The following ZFHX3 variants were observed in gnomAD, a reference collection of about 807,000 sequenced individuals.
ZFHX3 encodes the protein zinc finger homeobox protein 3.
Under a neutral mutation model 279.1 loss-of-function variants are expected in ZFHX3, and 42 were observed. The observed-to-expected ratio is 0.15, with a 90% confidence interval of 0.12 to 0.19. The LOEUF (loss-of-function observed/expected upper bound fraction) is 0.19, where lower values mean the gene tolerates loss of function less well. Ranked by LOEUF, ZFHX3 falls within the 10% of genes least tolerant of loss-of-function variation. The pLI is 1.00. For synonymous variants in ZFHX3, 2,293 were observed against 1,957.8 expected (o/e 1.17, Z -4.52); for missense variants, 4,981 against 4,754.0 (o/e 1.05, Z -1.40).
At chr16:72,887,705 G>A (rs1193556225) in intron 4 of ZFHX3, among the ~76,000 whole-genome samples, 3 of 151,106 alleles carry the variant, frequency 2.0e-5, no homozygotes, top group Non-Finnish European at 4.4e-5. Context: ...GTGTATGTGG[G>A]GGAGGTGCAC....
At position 72,797,551 on chromosome 16, in the gene ZFHX3, T is replaced by A; in HGVS notation, c.5131A>T (p.Asn1711Tyr). 1 of 1,614,144 alleles carries A rather than the reference T, an allele frequency of 6.2e-7. No homozygotes were observed. Among genetic ancestry groups the A allele is most frequent in the Non-Finnish European group, 8.5e-7 (1 of 1,180,020 alleles). The stretch of plus-strand genomic sequence containing the variant: ...ATCATATCTGCCAGTTTCTTCCGAT[T>A]GGCCTCTTTGGGCTCTGAAGGGGAA... Reference protein sequence around the residue: ...IASPSEPKEANRKKLADMIAS... With the variant: ...IASPSEPKEAYRKKLADMIAS... Residue 1711 changes from asparagine (N) to tyrosine (Y), a missense_variant, in exon 9 of 10, where the codon AAT becomes TAT. Coordinates refer to ENST00000268489, the MANE Select transcript of ZFHX3 (RefSeq NM_006885.4).
chr16:73,584,948 C>T (rs8049671), intron 2 of ZFHX3, among the ~76,000 whole-genome samples: 10,710 of 152,198 alleles, frequency 0.07, 1,297 homozygotes, highest in African/African-American at 0.24. Context: ...TCTCAAAAGA[C>T]GACATACATG....
chr16:73,494,637 C>G (rs187262584), intron 2 of ZFHX3, among the ~76,000 whole-genome samples: 1 of 151,906 alleles, frequency 6.6e-6, no homozygotes, highest in East Asian at 1.9e-4. Context: ...CTCGGCTCAC[C>G]GCAACCTCCG....
intron 2 of ZFHX3, among the ~76,000 whole-genome samples, chr16:73,669,164 C>T (rs1169588967): frequency 3.9e-5 from 6 of 152,082 alleles, no homozygotes; most frequent in African/African-American, 7.2e-5. Flanking sequence ...AGCAATTCTC[C>T]TGTCTCAGCC....
chr16:73,625,917 G>T (rs955036319), intron 2 of ZFHX3, among the ~76,000 whole-genome samples: 1 of 152,164 alleles, frequency 6.6e-6, no homozygotes, highest in Non-Finnish European at 1.5e-5. Flanking sequence ...GAGTTCAGCG[G>T]CACGATCTCT....
chr16:73,399,033 A>ATTTTTTT (rs531100796), intron 3 of ZFHX3, among the ~76,000 whole-genome samples: 4 of 139,554 alleles, frequency 2.9e-5, no homozygotes, highest in Non-Finnish European at 4.6e-5. Context: ...CCCCCCGCTA[A>ATTTTTTT]TTTTTTTTTT....
At chr16:72,883,336 T>C (rs1260445173) in intron 4 of ZFHX3, among the ~76,000 whole-genome samples, 1 of 152,034 alleles carries the variant, frequency 6.6e-6, no homozygotes, top group Non-Finnish European at 1.5e-5. Context: ...AAAAAACATC[T>C]CCATGAACAA....
Position 73,237,528 on chromosome 16 carries a change from C to CTTTT in ZFHX3, c.-1104+19515_-1104+19518dup, listed in dbSNP as rs886922274. ...ATGGGTGTGAGCCACCAAATGCAGC[C>CTTTT]TTTTTTTTTTTTTTTTTTTTTTTGG... On this transcript the variant is annotated intron_variant, in intron 5 of 17. Coordinates refer to the ZFHX3 transcript ENST00000641206. Among the ~76,000 whole-genome samples, 51 of 84,158 alleles carry CTTTT rather than the reference C, an allele frequency of 6.1e-4. 1 individual carries two copies. The highest frequency in any genetic ancestry group is 5.2e-3 in the East Asian group (15 of 2,900). 55.2% of individuals were successfully genotyped at this position (84,158 alleles called of 152,430 possible).
At chr16:73,742,860 C>T (rs1040260391) in intron 1 of ZFHX3, among the ~76,000 whole-genome samples, 5 of 152,174 alleles carry the variant, frequency 3.3e-5, no homozygotes, top group African/African-American at 4.8e-5. Context: ...ATGTGACCAA[C>T]AGAAACTCCA....
chr16:73,628,116 C>A (rs2052435659), intron 2 of ZFHX3, among the ~76,000 whole-genome samples: 1 of 152,100 alleles, frequency 6.6e-6, no homozygotes, highest in Non-Finnish European at 1.5e-5. Context: ...TCAGTAACTA[C>A]CCAACGTGTC....
At chr16:73,716,662 C>T (rs908471284) in intron 1 of ZFHX3, among the ~76,000 whole-genome samples, 4 of 151,696 alleles carry the variant, frequency 2.6e-5, no homozygotes, top group Admixed American at 1.3e-4. Context: ...CATGCACGCA[C>T]GCACAGACCT....
At chr16:73,247,539 CTG>C (rs1197779294) in intron 5 of ZFHX3, among the ~76,000 whole-genome samples, 1 of 139,542 alleles carries the variant, frequency 7.2e-6, no homozygotes, top group Non-Finnish European at 1.6e-5. Flanking sequence ...TATAATGTGT[CTG>C]TGTCTATGTG....
intron 5 of ZFHX3, among the ~76,000 whole-genome samples, chr16:73,190,863 C>T (rs1013145104): frequency 4.0e-5 from 6 of 149,292 alleles, no homozygotes; most frequent in African/African-American, 1.2e-4. Context: ...GACTACAGGG[C>T]GAAGGAAGAA....
intron 1 of ZFHX3, among the ~76,000 whole-genome samples, chr16:73,704,989 A>G (rs930309462): frequency 4.2e-4 from 64 of 152,334 alleles, no homozygotes; most frequent in African/African-American, 1.4e-3. Flanking sequence ...TACTCCCACC[A>G]TGGCTGATTT....
At chr16:73,860,889 C>G (rs1314607153) in intron 1 of ZFHX3, among the ~76,000 whole-genome samples, 1 of 152,052 alleles carries the variant, frequency 6.6e-6, no homozygotes, top group African/African-American at 2.4e-5. Context: ...CCTTCCCAGG[C>G]AAAAGTTCTA....
chr16:73,329,047 T>C (rs893132294), intron 3 of ZFHX3, among the ~76,000 whole-genome samples: 1 of 152,258 alleles, frequency 6.6e-6, no homozygotes, highest in South Asian at 2.1e-4. Context: ...TCAGACTTTT[T>C]ACCCTCCTTT....
chr16:72,945,316 T>G (rs1352860786), intron 3 of ZFHX3, among the ~76,000 whole-genome samples: 1 of 152,080 alleles, frequency 6.6e-6, no homozygotes, highest in South Asian at 2.1e-4. Context: ...CCCAAACTAT[T>G]TGGTCTTTCC....
At chr16:73,361,772 T>C (rs539252603) in intron 3 of ZFHX3, among the ~76,000 whole-genome samples, 1 of 152,274 alleles carries the variant, frequency 6.6e-6, no homozygotes, top group African/African-American at 2.4e-5. Flanking sequence ...GTTTTTGAGA[T>C]TGCTTCCTAC....
chr16:73,419,915 T>G (rs2017683152), intron 3 of ZFHX3, among the ~76,000 whole-genome samples: 1 of 151,888 alleles, frequency 6.6e-6, no homozygotes, highest in South Asian at 2.1e-4. Flanking sequence ...ATAATTTTTT[T>G]TTTTTTCTGG....
Sources: gnomAD v4.1 joint callset for allele counts (sites outside exome capture counted in the v4.1 genomes callset) on GRCh38, gnomAD v4.1.1 for gene constraint, MANE v1.5 for transcripts, NCBI Gene and HGNC (gene_info 2026-07-23, HGNC 2026-07-21) for gene names.